The following MBD5 variants were observed in gnomAD, a reference collection of about 807,000 sequenced individuals.
MBD5 encodes methyl-CpG binding domain protein 5, also known as methyl-CpG-binding domain protein 5.
In MBD5, 13 loss-of-function variants were observed where a neutral mutation model predicts 117.3. That is an observed-to-expected ratio of 0.11 (90% CI 0.07 to 0.18). MBD5 has a LOEUF of 0.18. Ranked by LOEUF, MBD5 falls within the 10% of genes least tolerant of loss-of-function variation. MBD5 has a pLI of 1.00. For synonymous variants in MBD5, 727 were observed against 766.4 expected (o/e 0.95, Z 0.85); for missense variants, 1,879 against 2,093.8 (o/e 0.90, Z 2.00).
chr2:148,162,022 T>C (rs1419987555), intron 1 of MBD5, among the ~76,000 whole-genome samples: 1 of 152,226 alleles, frequency 6.6e-6, no homozygotes, highest in Non-Finnish European at 1.5e-5. Context: ...CTTGCCATTT[T>C]GTGCACACCT....
intron 4 of MBD5, among the ~76,000 whole-genome samples, chr2:148,369,559 A>G (rs1388789953): frequency 6.6e-6 from 1 of 152,172 alleles, no homozygotes; most frequent in Non-Finnish European, 1.5e-5. Context: ...AAAAATGAAA[A>G]TCATTGAGGA....
intron 6 of MBD5, 84 bp from the exon 7 acceptor site, chr2:148,463,655 G>A: frequency 6.6e-7 from 1 of 1,514,822 alleles, no homozygotes; most frequent in Non-Finnish European, 9.1e-7. Context: ...CTTAATCTAT[G>A]CACAACTTTT....
chr2:148,432,405 C>T (rs1250435901), intron 4 of MBD5, among the ~76,000 whole-genome samples: 3 of 152,050 alleles, frequency 2.0e-5, no homozygotes, highest in African/African-American at 7.2e-5. Context: ...TTTTTTGTTG[C>T]AGTGGCTTCT....
intron 1 of MBD5, among the ~76,000 whole-genome samples, chr2:148,177,981 C>A (rs909986902): frequency 1.3e-5 from 2 of 152,174 alleles, no homozygotes; most frequent in African/African-American, 4.8e-5. Context: ...CACAGGGAGA[C>A]CCTGTCTCAA....
rs182846611 is a variant in MBD5 at position 148,142,115 on chromosome 2, G to T, written c.-924-36585G>T. Among the ~76,000 whole-genome samples, 22 of 152,246 alleles carry T rather than the reference G, an allele frequency of 1.4e-4. No homozygotes were observed. In the East Asian group the frequency reaches 3.3e-3, roughly 23 times the overall value. ...AAACCATGAGACTCAAGACTGAGAA[G>T]GCCTATCGTATTGCAAATGGGAGTC... On this transcript the variant is annotated intron_variant, in intron 1 of 13. Transcript: ENST00000642680.
intron 3 of MBD5, among the ~76,000 whole-genome samples, chr2:148,239,348 T>A (rs1700160739): frequency 6.6e-6 from 1 of 152,178 alleles, no homozygotes; most frequent in African/African-American, 2.4e-5. Context: ...CTTTGTTTAC[T>A]TGACATCAGA....
intron 3 of MBD5, among the ~76,000 whole-genome samples, chr2:148,306,345 T>C (rs1267354475): frequency 6.6e-6 from 1 of 152,228 alleles, no homozygotes; most frequent in Admixed American, 6.5e-5. Flanking sequence ...TAAATCTGTT[T>C]AGTCATATCT....
intron 1 of MBD5, among the ~76,000 whole-genome samples, chr2:148,125,308 T>G (rs1029371668): frequency 6.6e-6 from 1 of 152,154 alleles, no homozygotes; most frequent in African/African-American, 2.4e-5. Flanking sequence ...GTTTTTAGCT[T>G]TTTACTATTA....
At chr2:148,351,920 A>C (rs945576556) in intron 4 of MBD5, among the ~76,000 whole-genome samples, 15 of 152,026 alleles carry the variant, frequency 9.9e-5, no homozygotes, top group Admixed American at 9.8e-4. Context: ...TCTGCAACCT[A>C]TGTGTTTAGT....
intron 2 of MBD5, among the ~76,000 whole-genome samples, chr2:148,215,886 A>G (rs920875835): frequency 3.3e-5 from 5 of 152,118 alleles, no homozygotes; most frequent in African/African-American, 1.2e-4. Flanking sequence ...ATTGTCCACA[A>G]CTATAAATTG....
intron 8 of MBD5, among the ~76,000 whole-genome samples, chr2:148,474,017 C>T (rs1352923265): frequency 6.6e-6 from 1 of 152,128 alleles, no homozygotes; most frequent in African/African-American, 2.4e-5. Context: ...GATCTGGCAG[C>T]CAAATCCCAA....
chr2:148,140,817 A>G (rs1261780640), intron 1 of MBD5, among the ~76,000 whole-genome samples: 1 of 151,280 alleles, frequency 6.6e-6, no homozygotes, highest in Non-Finnish European at 1.5e-5. Context: ...GCTGGAGTGC[A>G]GGCAGTGGTG....
chr2:148,400,246 A>C (rs1381435635), intron 4 of MBD5, among the ~76,000 whole-genome samples: 1 of 151,878 alleles, frequency 6.6e-6, no homozygotes, highest in Non-Finnish European at 1.5e-5. Context: ...TTTTTCAGTA[A>C]TATGGTATTC....
At chr2:148,066,836 C>T (rs1368892016) in intron 1 of MBD5, among the ~76,000 whole-genome samples, 1 of 152,168 alleles carries the variant, frequency 6.6e-6, no homozygotes, top group Non-Finnish European at 1.5e-5. Flanking sequence ...GCAGAATGTA[C>T]TTCATTTACC....
rs1704961824 is a variant in MBD5 at position 148,402,749 on chromosome 2, T to TAAA, written c.-556-55453_-556-55452insAAA. Among the ~76,000 whole-genome samples the TAAA allele has an allele frequency of 2.0e-5, 3 of 152,342 alleles. No homozygotes were observed. In the East Asian group the frequency reaches 5.8e-4, roughly 29 times the overall value. ...TTCCACTATATGGATATACTACAAC[T>TAAA]AGTTTATCTATTGACTTGTTGATGG... On this transcript the variant is annotated intron_variant, in intron 4 of 13. Coordinates refer to ENST00000642680, the MANE Select transcript of MBD5 (RefSeq NM_001378120.1).
chr2:148,058,460 G>GGGT (rs1694935421), intron 1 of MBD5, among the ~76,000 whole-genome samples: 1 of 151,886 alleles, frequency 6.6e-6, no homozygotes, highest in Admixed American at 6.6e-5. Context: ...TTTAGACCAT[G>GGGT]GGTGGCTTAA....
intron 3 of MBD5, among the ~76,000 whole-genome samples, chr2:148,250,584 A>T (rs921490231): frequency 9.9e-5 from 15 of 152,190 alleles, no homozygotes; most frequent in African/African-American, 3.4e-4. Flanking sequence ...TAGACCAATT[A>T]ACATAACGTG....
intron 4 of MBD5, among the ~76,000 whole-genome samples, chr2:148,438,069 C>A (rs1380494384): frequency 1.3e-5 from 2 of 152,168 alleles, no homozygotes; most frequent in African/African-American, 4.8e-5. Flanking sequence ...TTCGTGGAGT[C>A]AAATTTGCAA....
At chr2:148,049,812 A>G (rs1573953875) in intron 1 of MBD5, among the ~76,000 whole-genome samples, 2 of 152,336 alleles carry the variant, frequency 1.3e-5, no homozygotes, top group Non-Finnish European at 2.9e-5. Context: ...ATGAATTTAT[A>G]TAATATGTGG....
Sources: allele counts gnomAD v4.1 joint callset (sites outside exome capture counted in the v4.1 genomes callset), GRCh38; gene constraint gnomAD v4.1.1; transcripts MANE v1.5; gene names NCBI Gene and HGNC (gene_info 2026-07-23, HGNC 2026-07-21).